Variants in SHISA8 observed in about 807,000 individuals in gnomAD.
SHISA8 encodes the protein protein shisa-8.
A neutral mutation model predicts 21.1 loss-of-function variants in SHISA8; 21 were observed. The ratio of observed to expected loss-of-function variants is 0.99; its 90% CI spans 0.71 to 1.43. SHISA8 has a LOEUF of 1.43. SHISA8 is among the 40% of genes most tolerant of loss of function. The probability of loss-of-function intolerance (pLI) is 0.00; values close to 1 mark genes in which losing one functional copy is unlikely to be tolerated. For synonymous variants in SHISA8, 300 were observed against 291.4 expected, an observed-to-expected ratio of 1.03 and a Z score of -0.30; for missense variants, 535 against 599.1, an observed-to-expected ratio of 0.89 and a Z score of 1.12.
At chr22:41,911,134 C>A in intron 2 of SHISA8, 82 bp downstream of exon 2, 1 of 1,241,988 alleles carries the variant, frequency 8.1e-7, no homozygotes, top group Non-Finnish European at 1.0e-6. Flanking sequence ...GCCTCTATGC[C>A]CCAGCCGAGG....
In SHISA8 at chr22:41,910,338, G is replaced by A. The variant is rs1011673994; in HGVS notation, c.811+70C>T. ...CTGGGAATTTGGCGCTTGGAGCTGC[G>A]GCCCCGCGCTTCGCAGTCCGGGAGC... On this transcript the variant is annotated intron_variant, in intron 3 of 3. Transcript: ENST00000621082. The surrounding 1 kb of genome is among the most constrained non-coding windows in gnomAD (Gnocchi z 6.8). 5 of 1,257,490 alleles carry A rather than the reference G, an allele frequency of 4.0e-6. No homozygotes were observed. Among genetic ancestry groups the A allele is most frequent in the Non-Finnish European group, 5.0e-6 (5 of 1,000,644 alleles). 77.9% of individuals were successfully genotyped at this position (1,257,490 alleles called of 1,614,324 possible). A position where few individuals can be genotyped will look rare whatever the true frequency, so the allele number is the denominator to read the frequency against.
intron 1 of SHISA8, among the ~76,000 whole-genome samples, chr22:41,913,750 C>A (rs1017409515): frequency 2.0e-5 from 3 of 152,106 alleles, no homozygotes; most frequent in African/African-American, 7.2e-5. Context: ...CCCAGAGAAC[C>A]AAGCGCCCCT....
rs1236537487 is a variant in SHISA8 at position 41,910,378 on chromosome 22, G to A, written c.811+30C>T. On this transcript the variant is annotated intron_variant, in intron 3 of 3. Transcript: ENST00000621082. The surrounding 1 kb of genome is among the most constrained non-coding windows in gnomAD (Gnocchi z 6.8). Reference sequence around the variant, plus strand: ...AGTCCGGGAGCTCGTGCGCCCAGGTGCCCTGACGCTGCCCGCACCCGCCAC... The same window carrying A: ...AGTCCGGGAGCTCGTGCGCCCAGGTACCCTGACGCTGCCCGCACCCGCCAC... The A allele has an allele frequency of 4.7e-6, 6 of 1,278,890 alleles. No individual in the cohort carries two copies. Among genetic ancestry groups the A allele is most frequent in the East Asian group, 3.2e-5 (1 of 31,184 alleles). The allele number at this position is 1,278,890 out of a possible 1,614,324, so 79.2% of individuals were successfully genotyped here.
chr22:41,912,282 G>A (rs568685366), intron 1 of SHISA8, among the ~76,000 whole-genome samples: 4 of 152,328 alleles, frequency 2.6e-5, no homozygotes, highest in Admixed American at 6.5e-5. Context: ...TTCAGAACCC[G>A]GAACCCATGA....
rs1031103233 is a variant in SHISA8 at position 41,914,366 on chromosome 22, A to G, written c.302T>C (p.Leu101Pro). The change falls in exon 1 of 4, where the codon CTC (leucine) becomes CCC (proline). Residue 101 changes from leucine to proline, a missense_variant. Leu to Pro is a moderately conservative substitution (Grantham distance 98, BLOSUM62 -3). Coordinates refer to ENST00000621082, the MANE Select transcript of SHISA8 (RefSeq NM_001207020.3). The surrounding 1 kb of genome is among the most constrained non-coding windows in gnomAD (Gnocchi z 6.8). ...GTAGTTGGAACAGCGGCTCTGGTCG[A>G]GGCGCCGCGGCCCGTCGTGGCAGCA... The part of the protein sequence containing the change: ...RFCCHDGPRR[L>P]DQSRCSNYDT... The G allele has an allele frequency of 3.2e-6, 4 of 1,260,498 alleles. No individual in the cohort carries two copies. Among genetic ancestry groups the G allele is most frequent in the African/African-American group, 1.6e-5 (1 of 63,308 alleles). The allele number at this position is 1,260,498 out of a possible 1,614,324, so 78.1% of individuals were successfully genotyped here.
At position 41,911,280 on chromosome 22, in the gene SHISA8, CA is replaced by C; in HGVS notation, c.599del (p.Leu200ArgfsTer51). ...CCATCTGCACCTGGACACAGCCACC[CA>C]GGGGTGGGCCCAGGGTGGGAGGCAG... ...EPLPPTLGPP[L>X]GGCVQVQMGD... On this transcript the variant is annotated frameshift_variant, in exon 2 of 4. Coordinates refer to ENST00000621082, the MANE Select transcript of SHISA8 (RefSeq NM_001207020.3). LOFTEE classifies it high-confidence loss of function. The C allele has an allele frequency of 8.0e-7, 1 of 1,257,682 alleles. No individual in the cohort carries two copies. The highest frequency in any genetic ancestry group is 1.0e-6 in the Non-Finnish European group (1 of 1,000,994). 77.9% of individuals were successfully genotyped at this position (1,257,682 alleles called of 1,614,324 possible).
chr22:41,910,437 G>A lies in SHISA8; in HGVS notation c.782C>T (p.Thr261Met), dbSNP rs2077542280. The change falls in exon 3 of 4, where the codon ACG becomes ATG. Residue 261 changes from threonine to methionine, a missense_variant. Thr to Met is a moderately conservative substitution (Grantham distance 81). Transcript: ENST00000621082. This position sits in a 1 kb window ranked among gnomAD's most constrained non-coding sequence, Gnocchi z 6.8. ...TLQPDYAKYA[T>M]FKAAALKAAE... is the part of the protein sequence containing the mutation. Reference sequence around the variant, plus strand: ...GGCCTTGAGCGCGGCGGCCTTGAACGTGGCGTACTTGGCGTAGTCTGGCTG... The same window carrying A: ...GGCCTTGAGCGCGGCGGCCTTGAACATGGCGTACTTGGCGTAGTCTGGCTG... 23 of 1,358,864 alleles carry A rather than the reference G, an allele frequency of 1.7e-5. No homozygotes were observed. The highest frequency in any genetic ancestry group is 2.2e-5 in the Non-Finnish European group (23 of 1,056,232). The allele number at this position is 1,358,864 out of a possible 1,614,324, so 84.2% of individuals were successfully genotyped here.
chr22:41,911,979 T>C (rs901785573), intron 1 of SHISA8, among the ~76,000 whole-genome samples: 8 of 152,198 alleles, frequency 5.3e-5, no homozygotes, highest in African/African-American at 1.9e-4. Context: ...ACTCCGCCGG[T>C]CTCGGCCTCC....
chr22:41,910,663 G>T lies in SHISA8; in HGVS notation c.665-109C>A. On this transcript the variant is annotated intron_variant, in intron 2 of 3. Coordinates refer to ENST00000621082, the MANE Select transcript of SHISA8 (RefSeq NM_001207020.3). The surrounding 1 kb of genome is among the most constrained non-coding windows in gnomAD (Gnocchi z 6.8). ...GAGGCCGTTCGGTGAGAACCTGGGG[G>T]ACCGTTCTCCGGGCGAGGCTGCGAG... The T allele has an allele frequency of 8.6e-7, 1 of 1,165,928 alleles. No homozygotes were observed. The allele number at this position is 1,165,928 out of a possible 1,614,324, so 72.2% of individuals were successfully genotyped here. A position where few individuals can be genotyped will look rare whatever the true frequency, so the allele number is the denominator to read the frequency against.
At position 41,910,273 on chromosome 22, in the gene SHISA8, G is replaced by C. The variant is rs2077540079; in HGVS notation, c.812-126C>G. On this transcript the variant is annotated intron_variant, in intron 3 of 3. Coordinates refer to ENST00000621082, the MANE Select transcript of SHISA8 (RefSeq NM_001207020.3). This position sits in a 1 kb window ranked among gnomAD's most constrained non-coding sequence, Gnocchi z 6.8. Reference sequence around the variant, plus strand: ...GGCGGGCCGGGGGCGGGGCCCGCTGGGGCGAGGGAGCCGATTGGCCGAGCG... The same window carrying C: ...GGCGGGCCGGGGGCGGGGCCCGCTGCGGCGAGGGAGCCGATTGGCCGAGCG... The C allele has an allele frequency of 8.1e-7, 1 of 1,227,490 alleles. No homozygotes were observed. The highest frequency in any genetic ancestry group is 1.6e-5 in the African/African-American group (1 of 63,808). The allele number at this position is 1,227,490 out of a possible 1,614,324, so 76.0% of individuals were successfully genotyped here. A position where few individuals can be genotyped will look rare whatever the true frequency, so the allele number is the denominator to read the frequency against.
In SHISA8 at chr22:41,910,879, C is replaced by A. The variant is rs2077548112; in HGVS notation, c.665-325G>T. ...ACGGGGGATGTCTGAGGAACAGAAC[C>A]CAGACGGGGCGTGGGGGCTGCCAAG... On this transcript the variant is annotated intron_variant, in intron 2 of 3. Transcript: ENST00000621082. The surrounding 1 kb of genome is among the most constrained non-coding windows in gnomAD (Gnocchi z 6.8). Among the ~76,000 whole-genome samples, 1 of 152,112 alleles carries A rather than the reference C, an allele frequency of 6.6e-6. No homozygotes were observed. Among genetic ancestry groups the A allele is most frequent in the African/African-American group, 2.4e-5 (1 of 41,432 alleles).
rs2077571117 is a variant in SHISA8, at chr22:41,914,320, C to G, written c.348G>C (p.Gln116His). 1 of 1,215,906 alleles carries G rather than the reference C, an allele frequency of 8.2e-7. No individual in the cohort carries two copies. Among genetic ancestry groups the G allele is most frequent in the African/African-American group, 1.6e-5 (1 of 62,646 alleles). 75.3% of individuals were successfully genotyped at this position (1,215,906 alleles called of 1,614,324 possible). A position where few individuals can be genotyped will look rare whatever the true frequency, so the allele number is the denominator to read the frequency against. Residue 116 changes from glutamine to histidine, a missense_variant, in exon 1 of 4, where the codon CAG (glutamine) becomes CAC (histidine). Coordinates refer to ENST00000621082, the MANE Select transcript of SHISA8 (RefSeq NM_001207020.3). The surrounding 1 kb of genome is among the most constrained non-coding windows in gnomAD (Gnocchi z 6.8). ...CSNYDTPAWV[Q>H]TGRPPARARD... The stretch of plus-strand genomic sequence containing the variant: ...GGGCGCGGGCGGGCGGCCGGCCTGT[C>G]TGGACCCAGGCCGGCGTGTCGTAGT...
Position 41,909,907 on chromosome 22 carries a change from C to T in SHISA8, c.1052G>A (p.Arg351Gln), listed in dbSNP as rs957550062. The change falls in exon 4 of 4, where the codon CGG (arginine) becomes CAG (glutamine). Residue 351 changes from arginine (R) to glutamine (Q), a missense_variant. By Grantham distance (43) the Arg-to-Gln change is conservative. Coordinates refer to ENST00000621082, the MANE Select transcript of SHISA8 (RefSeq NM_001207020.3). Reference sequence around the variant, plus strand: ...GCGCCGGGCCGCGTGCCCGGGTCGCCGGGGTACCTGGAAGGCCCGAGCCGT... The same window carrying T: ...GCGCCGGGCCGCGTGCCCGGGTCGCTGGGGTACCTGGAAGGCCCGAGCCGT... ...HPTARAFQVP[R>Q]RPGHAARRQF... The T allele has an allele frequency of 7.9e-6, 12 of 1,526,596 alleles. No individual in the cohort carries two copies. The Admixed American group carries it at 8.0e-5, about 10-fold the overall frequency. The allele number at this position is 1,526,596 out of a possible 1,614,324, so 94.6% of individuals were successfully genotyped here.
Position 41,909,672 on chromosome 22 carries a change from G to GGCCTTAC in SHISA8, c.*86_*92dup. On this transcript the variant is annotated 3_prime_UTR_variant, in exon 4 of 4. Coordinates refer to ENST00000621082, the MANE Select transcript of SHISA8 (RefSeq NM_001207020.3). The stretch of plus-strand genomic sequence containing the variant: ...TGCCGTTGAGGCAGACAGAAGAGCT[G>GGCCTTAC]GCCTTACGGCAGGCGCTCCTCTCCC... The GGCCTTAC allele has an allele frequency of 7.6e-7, 1 of 1,320,538 alleles. No homozygotes were observed. Among genetic ancestry groups the GGCCTTAC allele is most frequent in the Non-Finnish European group, 9.7e-7 (1 of 1,035,966 alleles). 81.8% of individuals were successfully genotyped at this position (1,320,538 alleles called of 1,614,324 possible).
In SHISA8 at chr22:41,910,422, G is replaced by T. The variant is rs2146573520; in HGVS notation, c.797C>A (p.Ala266Glu). The change falls in exon 3 of 4, where the codon GCG becomes GAG. Residue 266 changes from alanine (A) to glutamate (E), a missense_variant. Transcript: ENST00000621082. This position sits in a 1 kb window ranked among gnomAD's most constrained non-coding sequence, Gnocchi z 6.8. ...CCGCCACTCACCTGCGGCCTTGAGC[G>T]CGGCGGCCTTGAACGTGGCGTACTT... The part of the protein sequence containing the change: ...YAKYATFKAA[A>E]LKAAEAAPRD... 13 of 1,357,268 alleles carry T rather than the reference G, an allele frequency of 9.6e-6. No individual in the cohort carries two copies. Among genetic ancestry groups the T allele is most frequent in the South Asian group, 3.5e-5 (2 of 56,926 alleles). The allele number at this position is 1,357,268 out of a possible 1,614,324, so 84.1% of individuals were successfully genotyped here.
In SHISA8 at chr22:41,910,138, G is replaced by T; in HGVS notation, c.821C>A (p.Pro274Gln). ...GGGGAAACGCTGACAGAAGTCCCGC[G>T]GGGCGGCCTCTGCGGGGACAGGGCA... ...AAALKAAEAA[P>Q]RDFCQRFPAL... The change falls in exon 4 of 4, where the codon CCG (proline) becomes CAG (glutamine). Residue 274 changes from proline to glutamine, a missense_variant. Pro to Gln is a moderately conservative substitution (Grantham distance 76). Coordinates refer to ENST00000621082, the MANE Select transcript of SHISA8 (RefSeq NM_001207020.3). The surrounding 1 kb of genome is among the most constrained non-coding windows in gnomAD (Gnocchi z 6.8). 3 of 1,237,618 alleles carry T rather than the reference G, an allele frequency of 2.4e-6. No homozygotes were observed. The highest frequency in any genetic ancestry group is 3.0e-6 in the Non-Finnish European group (3 of 993,574). 76.7% of individuals were successfully genotyped at this position (1,237,618 alleles called of 1,614,324 possible).
Position 41,914,339 on chromosome 22 carries a change from T to C in SHISA8, c.329A>G (p.Asp110Gly). The C allele has an allele frequency of 8.3e-7, 1 of 1,198,734 alleles. No individual in the cohort carries two copies. The allele number at this position is 1,198,734 out of a possible 1,614,324, so 74.3% of individuals were successfully genotyped here. A position where few individuals can be genotyped will look rare whatever the true frequency, so the allele number is the denominator to read the frequency against. ...RLDQSRCSNY[D>G]TPAWVQTGRP... ...GCCTGTCTGGACCCAGGCCGGCGTG[T>C]CGTAGTTGGAACAGCGGCTCTGGTC... Residue 110 changes from aspartate (D) to glycine (G), a missense_variant, in exon 1 of 4, where the codon GAC (aspartate) becomes GGC (glycine). Coordinates refer to ENST00000621082, the MANE Select transcript of SHISA8 (RefSeq NM_001207020.3). The surrounding 1 kb of genome is among the most constrained non-coding windows in gnomAD (Gnocchi z 6.8).
rs2077576200 is a variant in SHISA8, at chr22:41,914,724, C to G, written c.-57G>C. On this transcript the variant is annotated 5_prime_UTR_variant, in exon 1 of 4. Transcript: ENST00000621082. This position sits in a 1 kb window ranked among gnomAD's most constrained non-coding sequence, Gnocchi z 6.8. ...GCATGGCCGGGCGCCGCGGCTCCCT[C>G]CGGCTCGGCTCCTCCGCTCCCGCAG... The G allele has an allele frequency of 2.0e-6, 2 of 998,136 alleles. No individual in the cohort carries two copies. The highest frequency in any genetic ancestry group is 1.7e-5 in the African/African-American group (1 of 57,480). 61.8% of individuals were successfully genotyped at this position (998,136 alleles called of 1,614,324 possible). A position where few individuals can be genotyped will look rare whatever the true frequency, so the allele number is the denominator to read the frequency against.
intron 1 of SHISA8, among the ~76,000 whole-genome samples, chr22:41,913,013 C>T (rs2077561982): frequency 6.6e-6 from 1 of 152,240 alleles, no homozygotes; most frequent in Non-Finnish European, 1.5e-5. Context: ...TTTGGGCAGC[C>T]CAGCCCCTAC....
Sources: allele counts gnomAD v4.1 joint callset (sites outside exome capture counted in the v4.1 genomes callset), GRCh38; gene constraint gnomAD v4.1.1; non-coding constraint Gnocchi (gnomAD v3.1); transcripts MANE v1.5; gene names NCBI Gene and HGNC (gene_info 2026-07-23, HGNC 2026-07-21).